The following TMEM232 variants were observed in gnomAD, a reference collection of about 807,000 sequenced individuals.
TMEM232 encodes the protein transmembrane protein 232.
In TMEM232, 80 loss-of-function variants were observed where a neutral mutation model predicts 78.8. That is an observed-to-expected ratio of 1.01 (90% CI 0.85 to 1.22). The LOEUF (loss-of-function observed/expected upper bound fraction) is 1.22. TMEM232 is among the 50% of genes most tolerant of loss of function. The pLI, the probability that TMEM232 is intolerant of heterozygous loss-of-function variation, is 0.00. For missense variants in TMEM232, 881 were observed against 742.2 expected (o/e 1.19, Z -2.17); for synonymous variants, 297 against 254.3 (o/e 1.17, Z -1.60).
intron 2 of TMEM232, among the ~76,000 whole-genome samples, chr5:110,408,047 C>G (rs189766642): frequency 1.3e-5 from 2 of 151,982 alleles, no homozygotes; most frequent in East Asian, 3.9e-4. Context: ...GGAAATACAA[C>G]ACACCAAAAT....
chr5:110,552,511 CA>C (rs1774595539), intron 11 of TMEM232, among the ~76,000 whole-genome samples: 1 of 151,798 alleles, frequency 6.6e-6, no homozygotes, highest in African/African-American at 2.4e-5. Flanking sequence ...TATAAAGACA[CA>C]AAAAGTTTAA....
At chr5:110,642,232 G>A in intron 3 of TMEM232, 28 bp downstream of exon 3, 1 of 1,401,874 alleles carries the variant, frequency 7.1e-7, no homozygotes, top group African/African-American at 1.5e-5. Context: ...AAGTTAACAT[G>A]CTCAACAATC....
intron 1 of TMEM232, among the ~76,000 whole-genome samples, chr5:110,736,966 T>C (rs1303404393): frequency 2.0e-5 from 3 of 147,706 alleles, no homozygotes; most frequent in Non-Finnish European, 4.4e-5. Flanking sequence ...AGTTCTCTGC[T>C]CAAAGGTCAC....
chr5:110,640,693 A>C (rs1327946647), intron 4 of TMEM232, among the ~76,000 whole-genome samples, 198 bp downstream of exon 4: 3 of 152,180 alleles, frequency 2.0e-5, no homozygotes, highest in Admixed American at 6.6e-5. Flanking sequence ...TTTTTAAAAT[A>C]GTTTTATCAC....
At chr5:110,585,409 T>C (rs533760770) in intron 10 of TMEM232, among the ~76,000 whole-genome samples, 1 of 152,270 alleles carries the variant, frequency 6.6e-6, no homozygotes, top group East Asian at 1.9e-4. Context: ...CTCACCTCTA[T>C]GGTTAATAAC....
chr5:110,474,361 A>G (rs1425817310), intron 12 of TMEM232, among the ~76,000 whole-genome samples: 4 of 151,960 alleles, frequency 2.6e-5, no homozygotes, highest in African/African-American at 9.7e-5. Flanking sequence ...TTTAAAACCT[A>G]CAGCTAATTG....
intron 1 of TMEM232, among the ~76,000 whole-genome samples, chr5:110,679,974 A>G (rs1792509039): frequency 6.6e-6 from 1 of 152,290 alleles, no homozygotes; most frequent in African/African-American, 2.4e-5. Context: ...TTGGAAAAGC[A>G]TCTTTAAAAA....
At chr5:110,396,904 T>G (rs1274114127) in intron 3 of TMEM232, among the ~76,000 whole-genome samples, 1 of 152,038 alleles carries the variant, frequency 6.6e-6, no homozygotes, top group East Asian at 1.9e-4. Flanking sequence ...GAGAGGAAGA[T>G]GAGAAGCAAA....
intron 2 of TMEM232, chr5:110,666,653 A>G (rs1345380873): frequency 6.6e-6 from 1 of 152,068 alleles, no homozygotes; most frequent in African/African-American, 2.4e-5. Context: ...TTAATGATAT[A>G]TTTTGAATTT....
chr5:110,449,155 C>G (rs1759988999), intron 12 of TMEM232, among the ~76,000 whole-genome samples: 1 of 151,888 alleles, frequency 6.6e-6, no homozygotes, highest in African/African-American at 2.4e-5. Flanking sequence ...GAATTTAAGG[C>G]AAAATCATCA....
At chr5:110,690,127 T>C (rs1342199152) in intron 1 of TMEM232, among the ~76,000 whole-genome samples, 1 of 152,094 alleles carries the variant, frequency 6.6e-6, no homozygotes, top group African/African-American at 2.4e-5. Context: ...AAAGCCAAAA[T>C]TGACAAATGG....
upstream of TMEM232, among the ~76,000 whole-genome samples, chr5:110,731,520 T>G (rs1010912521): frequency 6.6e-6 from 1 of 152,214 alleles, no homozygotes; most frequent in African/African-American, 2.4e-5. Flanking sequence ...TAGGCAGAGG[T>G]TGCCAAACCT....
chr5:110,605,181 C>T lies in TMEM232; in HGVS notation c.1204G>A (p.Val402Ile). The change falls in exon 10 of 14, where the codon GTA becomes ATA. Residue 402 changes from valine (V) to isoleucine (I), a missense_variant. By Grantham distance (29) the Val-to-Ile change is conservative. Coordinates refer to ENST00000455884, the MANE Select transcript of TMEM232 (RefSeq NM_001039763.4). ...QKNILYLDKS[V>I]PPELKETSIL... is the part of the protein sequence containing the mutation. ...CTTGTTTCCTTTAATTCTGGAGGTA[C>T]TGATTTGTCCAAGTATAAAATATTT... 1 of 1,550,766 alleles carries T rather than the reference C, an allele frequency of 6.4e-7. No individual in the cohort carries two copies. Among genetic ancestry groups the T allele is most frequent in the African/African-American group, 1.4e-5 (1 of 73,094 alleles).
At chr5:110,458,663 C>A (rs1424543160) in intron 12 of TMEM232, among the ~76,000 whole-genome samples, 1 of 152,150 alleles carries the variant, frequency 6.6e-6, no homozygotes, top group East Asian at 1.9e-4. Flanking sequence ...GAAATCCATT[C>A]ATTAATTTCC....
intron 2 of TMEM232, among the ~76,000 whole-genome samples, chr5:110,663,916 A>G (rs1790180282): frequency 6.6e-6 from 1 of 152,152 alleles, no homozygotes. Context: ...AGGTGAGAAG[A>G]CCATTTGAGG....
chr5:110,445,788 G>T (rs757475533), intron 12 of TMEM232, among the ~76,000 whole-genome samples: 5 of 152,060 alleles, frequency 3.3e-5, no homozygotes, highest in Non-Finnish European at 5.9e-5. Context: ...TCAAAGACAT[G>T]ACTTTTTTTG....
At chr5:110,504,916 A>T (rs913390243) in intron 12 of TMEM232, among the ~76,000 whole-genome samples, 3 of 152,220 alleles carry the variant, frequency 2.0e-5, no homozygotes, top group East Asian at 3.9e-4. Flanking sequence ...TAGCCATCAC[A>T]TTGTCACATA....
At chr5:110,601,163 A>C (rs984510077) in intron 10 of TMEM232, among the ~76,000 whole-genome samples, 4 of 152,206 alleles carry the variant, frequency 2.6e-5, no homozygotes, top group African/African-American at 9.6e-5. Context: ...TCTCAAAACA[A>C]TAAGAGCCAT....
intron 12 of TMEM232, among the ~76,000 whole-genome samples, chr5:110,501,372 C>T (rs1228714127): frequency 2.6e-5 from 4 of 151,816 alleles, no homozygotes; most frequent in African/African-American, 9.7e-5. Context: ...AATGTAAATA[C>T]TAATTAGTCT....
Sources: allele counts gnomAD v4.1 joint callset (sites outside exome capture counted in the v4.1 genomes callset), GRCh38; gene constraint gnomAD v4.1.1; transcripts MANE v1.5; gene names NCBI Gene and HGNC (gene_info 2026-07-23, HGNC 2026-07-21).